The following LPGAT1 variants were observed in gnomAD, a reference collection of about 807,000 sequenced individuals.
LPGAT1 encodes the protein lysophosphatidylglycerol acyltransferase 1.
A neutral mutation model predicts 47.5 loss-of-function variants in LPGAT1; 11 were observed. The observed-to-expected ratio is 0.23, with a 90% CI of 0.15 to 0.38. LPGAT1 has a LOEUF of 0.38. LPGAT1 is among the 10% of genes least tolerant of loss of function. The pLI is 1.00. For missense variants in LPGAT1, 293 were observed against 439.0 expected, an observed-to-expected ratio of 0.67 and a Z score of 2.97; for synonymous variants, 138 against 144.2, an observed-to-expected ratio of 0.96 and a Z score of 0.31.
intron 6 of LPGAT1, among the ~76,000 whole-genome samples, chr1:211,771,322 A>C (rs576770717): frequency 6.6e-6 from 1 of 152,256 alleles, no homozygotes; most frequent in African/African-American, 2.4e-5. Flanking sequence ...ATGTTCGTAC[A>C]ATGATGAAAT....
At chr1:211,810,929 C>T (rs551338499) in intron 2 of LPGAT1, among the ~76,000 whole-genome samples, 3 of 152,140 alleles carry the variant, frequency 2.0e-5, no homozygotes, top group Non-Finnish European at 4.4e-5. Context: ...ATACAAAATT[C>T]CTGTTTTATC....
At chr1:211,755,236 G>A (rs1174521052) in intron 6 of LPGAT1, among the ~76,000 whole-genome samples, 1 of 151,778 alleles carries the variant, frequency 6.6e-6, no homozygotes, top group Non-Finnish European at 1.5e-5. Context: ...TACTTGGGAG[G>A]CTGAGGCAGG....
chr1:211,829,624 C>T, intron 1 of LPGAT1: 2 of 1,147,530 alleles, frequency 1.7e-6, no homozygotes, highest in Non-Finnish European at 2.2e-6. Context: ...TGTCTCACTG[C>T]GGTCGTCTAT....
chr1:211,792,973 G>A (rs1249024812), intron 3 of LPGAT1, 99 bp downstream of exon 3: 17 of 734,422 alleles, frequency 2.3e-5, no homozygotes, highest in African/African-American at 9.1e-5. Context: ...GCCTCCCAAA[G>A]TGCTGGGATT....
intron 2 of LPGAT1, among the ~76,000 whole-genome samples, chr1:211,824,561 G>A (rs1296027854): frequency 6.6e-6 from 1 of 152,140 alleles, no homozygotes; most frequent in East Asian, 1.9e-4. Context: ...GTTAAAGCTA[G>A]ACCACTGACT....
At chr1:211,803,005 A>G (rs1659629441) in intron 2 of LPGAT1, 1 of 152,202 alleles carries the variant, frequency 6.6e-6, no homozygotes, top group East Asian at 1.9e-4. Context: ...TGACTTCAAA[A>G]TTGTGAAGAA....
intron 2 of LPGAT1, among the ~76,000 whole-genome samples, chr1:211,803,989 C>T (rs562191568): frequency 1.3e-5 from 2 of 152,290 alleles, no homozygotes; most frequent in Non-Finnish European, 2.9e-5. Context: ...AAACTCCTGA[C>T]CTCAGGTGAT....
Position 211,778,907 on chromosome 1 carries a change from A to G in LPGAT1, c.854+11T>C. On this transcript the variant is annotated intron_variant, in intron 6 of 7. Coordinates refer to ENST00000366997, the MANE Select transcript of LPGAT1 (RefSeq NM_014873.3). ...TTGGATATATACTGAGTACTAATAT[A>G]GAATTCTTACCTGTAATGTACATGT... 6.4e-7 allele frequency: 1 copy of G among 1,574,696 alleles called. No individual in the cohort carries two copies.
At chr1:211,779,853 AAAATAAAT>A (rs56183480) in intron 5 of LPGAT1, among the ~76,000 whole-genome samples, 4 of 145,214 alleles carry the variant, frequency 2.8e-5, no homozygotes, top group African/African-American at 5.2e-5. Context: ...ACTCCGTCTC[AAAATAAAT>A]AAATAAATAA....
intron 2 of LPGAT1, among the ~76,000 whole-genome samples, chr1:211,819,433 T>C (rs1453228439): frequency 6.6e-6 from 1 of 151,988 alleles, no homozygotes. Flanking sequence ...TTTCAGGCTG[T>C]AGTGAGTTGG....
At chr1:211,784,826 C>T (rs1400701165) in intron 4 of LPGAT1, among the ~76,000 whole-genome samples, 3 of 134,844 alleles carry the variant, frequency 2.2e-5, no homozygotes, top group African/African-American at 8.5e-5. Flanking sequence ...TTTTTTGAGA[C>T]AGAGTCTCGC....
intron 2 of LPGAT1, among the ~76,000 whole-genome samples, chr1:211,800,598 G>A (rs1242850671): frequency 6.6e-6 from 1 of 152,158 alleles, no homozygotes; most frequent in Non-Finnish European, 1.5e-5. Flanking sequence ...GGGAGCTAGT[G>A]GCATTTTGGG....
chr1:211,788,669 G>C (rs1182121171), intron 3 of LPGAT1, among the ~76,000 whole-genome samples: 1 of 150,660 alleles, frequency 6.6e-6, no homozygotes, highest in South Asian at 2.1e-4. Flanking sequence ...GTGACAGAGA[G>C]AGACTCTTTA....
intron 2 of LPGAT1, among the ~76,000 whole-genome samples, chr1:211,817,429 G>A (rs780155112): frequency 1.1e-4 from 17 of 151,974 alleles, no homozygotes; most frequent in East Asian, 1.9e-4. Flanking sequence ...AAAATTAGCC[G>A]GGCATGTGGC....
intron 6 of LPGAT1, among the ~76,000 whole-genome samples, chr1:211,763,184 G>C (rs1657772883): frequency 6.6e-6 from 1 of 152,216 alleles, no homozygotes; most frequent in Non-Finnish European, 1.5e-5. Flanking sequence ...GTTTGTCTCT[G>C]AAACTCAAGT....
At position 211,750,022 on chromosome 1, in the gene LPGAT1, C is replaced by A. The variant is rs774382687; in HGVS notation, c.990G>T (p.Lys330Asn). The change falls in exon 8 of 8, where the codon AAG becomes AAT. Residue 330 changes from lysine to asparagine, a missense_variant. Coordinates refer to ENST00000366997, the MANE Select transcript of LPGAT1 (RefSeq NM_014873.3). ...GGGTCATCTCCCTGGAAACAGCTTC[C>A]TTATGGCCCTTGGAAGGTGGAAAAG... ...TGAFPPSKGHKEAVSREMTLS... is the reference protein window; with the variant it reads ...TGAFPPSKGHNEAVSREMTLS... 6.9e-5 allele frequency: 111 copies of A among 1,613,888 alleles called. No individual in the cohort carries two copies. Among genetic ancestry groups the A allele is most frequent in the Admixed American group, 1.2e-4 (7 of 59,948 alleles).
intron 2 of LPGAT1, among the ~76,000 whole-genome samples, chr1:211,798,910 C>T (rs1197048264): frequency 5.3e-5 from 8 of 152,026 alleles, no homozygotes; most frequent in Non-Finnish European, 8.8e-5. Context: ...GAAAAGCAGC[C>T]TTGCAAACAA....
chr1:211,767,463 G>A (rs1287307075), intron 6 of LPGAT1, among the ~76,000 whole-genome samples: 1 of 152,112 alleles, frequency 6.6e-6, no homozygotes, highest in Non-Finnish European at 1.5e-5. Context: ...TTTTTTTGAA[G>A]CAAAGGGGGA....
In LPGAT1 at chr1:211,793,121, G is replaced by T; in HGVS notation, c.308C>A (p.Ala103Glu). The change falls in exon 3 of 8, where the codon GCA becomes GAA. Residue 103 changes from alanine (A) to glutamate (E), a missense_variant. Physicochemically the swap from Ala to Glu is moderately radical, Grantham distance 107. Transcript: ENST00000366997. Reference sequence around the variant, plus strand: ...CATCAGTGTGCACACATCTCCTGTTGCCTGATGATTCACCAACATCACTGC... The same window carrying T: ...CATCAGTGTGCACACATCTCCTGTTTCCTGATGATTCACCAACATCACTGC... ...DEAVMLVNHQ[A>E]TGDVCTLMMC... 2 of 1,609,044 alleles carry T rather than the reference G, an allele frequency of 1.2e-6. No homozygotes were observed. Among genetic ancestry groups the T allele is most frequent in the Non-Finnish European group, 1.7e-6 (2 of 1,177,724 alleles).
Sources: allele counts gnomAD v4.1 joint callset (sites outside exome capture counted in the v4.1 genomes callset), GRCh38; gene constraint gnomAD v4.1.1; transcripts MANE v1.5; gene names NCBI Gene and HGNC (gene_info 2026-07-23, HGNC 2026-07-21).